FBXO10: variants seen among roughly 807,000 people sequenced by gnomAD.
The protein encoded by FBXO10 is F-box only protein 10.
In FBXO10, 39 loss-of-function variants were observed where a neutral mutation model predicts 80.7. The observed-to-expected ratio is 0.48, with a 90% CI of 0.37 to 0.63. The LOEUF (loss-of-function observed/expected upper bound fraction) is 0.63, where lower values mean the gene tolerates loss of function less well. Ranked by LOEUF, FBXO10 falls within the 30% of genes least tolerant of loss-of-function variation. The pLI is 0.00. For missense variants in FBXO10, 1,025 were observed against 1,269.0 expected (o/e 0.81, Z 2.92); for synonymous variants, 449 against 489.6 (o/e 0.92, Z 1.09).
At position 37,521,779 on chromosome 9, in the gene FBXO10, G is replaced by A. The variant is rs866944082; in HGVS notation, c.1990C>T (p.His664Tyr). 1 of 1,610,120 alleles carries A rather than the reference G, an allele frequency of 6.2e-7. No homozygotes were observed. The highest frequency in any genetic ancestry group is 8.5e-7 in the Non-Finnish European group (1 of 1,179,242). ...CCATACAGGCCATTGTAGCTGACGT[G>A]GTTGCTGGTGACATGGGGGAGGCTG... ...SSSLPHVTSNHVSYNGLYGVA... is the reference protein window; with the variant it reads ...SSSLPHVTSNYVSYNGLYGVA... The change falls in exon 8 of 11, where the codon CAC becomes TAC. Residue 664 changes from histidine to tyrosine, a missense_variant. Physicochemically the swap from His to Tyr is moderately conservative, Grantham distance 83. Around this residue, in one of 3 missense-constraint regions of FBXO10, gnomAD observed 478 missense variants for 667.8 expected, o/e 0.72. Coordinates refer to ENST00000432825, the MANE Select transcript of FBXO10 (RefSeq NM_012166.3).
chr9:37,522,966 G>A lies in FBXO10; in HGVS notation c.1789C>T (p.Arg597Cys). The change falls in exon 7 of 11, where the codon CGT (arginine) becomes TGT (cysteine). Residue 597 changes from arginine to cysteine, a missense_variant. By Grantham distance (180) the Arg-to-Cys change is radical. Coordinates refer to ENST00000432825, the MANE Select transcript of FBXO10 (RefSeq NM_012166.3). ...GKGLITENVI[R>C]ENQWGGVDIR... Reference sequence around the variant, plus strand: ...TCCACACCTCCCCACTGATTCTCACGGATGACATTTTCTATGGAGAGAAGC... The same window carrying A: ...TCCACACCTCCCCACTGATTCTCACAGATGACATTTTCTATGGAGAGAAGC... 1.9e-6 allele frequency: 3 copies of A among 1,594,384 alleles called. No homozygotes were observed. Among genetic ancestry groups the A allele is most frequent in the South Asian group, 1.1e-5 (1 of 87,050 alleles).
intron 10 of FBXO10, among the ~76,000 whole-genome samples, chr9:37,513,100 G>A (rs1821104369): frequency 1.3e-5 from 2 of 152,124 alleles, no homozygotes; most frequent in Non-Finnish European, 2.9e-5. Context: ...CAAAGTGCTG[G>A]GATTATAGGC....
intron 9 of FBXO10, among the ~76,000 whole-genome samples, chr9:37,516,854 G>A (rs4878156): frequency 0.082 from 12,472 of 151,970 alleles, 679 homozygotes; most frequent in East Asian, 0.16. Context: ...CCAGCTACTT[G>A]GGAGGCTGAG....
chr9:37,534,508 C>A (rs940730215), intron 3 of FBXO10, among the ~76,000 whole-genome samples: 1 of 152,226 alleles, frequency 6.6e-6, no homozygotes, highest in Non-Finnish European at 1.5e-5. Context: ...CTGAGCACTT[C>A]CCTGCTGAAT....
intron 1 of FBXO10, among the ~76,000 whole-genome samples, chr9:37,549,877 T>C (rs955981793): frequency 6.6e-6 from 1 of 152,216 alleles, no homozygotes; most frequent in African/African-American, 2.4e-5. Flanking sequence ...TGGTTGTCTC[T>C]TTTTTGATGT....
chr9:37,553,052 AT>A (rs958106652), intron 1 of FBXO10, among the ~76,000 whole-genome samples: 4 of 118,540 alleles, frequency 3.4e-5, no homozygotes, highest in East Asian at 4.8e-4. Context: ...GTGTGTGTGT[AT>A]TTTTTTTGAG....
chr9:37,515,083 C>T, intron 10 of FBXO10: 1 of 152,258 alleles, frequency 6.6e-6, no homozygotes, highest in Non-Finnish European at 1.5e-5. Context: ...GGGAGACTGG[C>T]AGGAGGCTGC....
intron 1 of FBXO10, among the ~76,000 whole-genome samples, chr9:37,543,476 A>G (rs1821977163): frequency 6.6e-6 from 1 of 152,122 alleles, no homozygotes; most frequent in African/African-American, 2.4e-5. Flanking sequence ...TCTGGTGATC[A>G]TTTTCCCCAG....
chr9:37,574,594 A>G (rs1429116219), intron 1 of FBXO10, among the ~76,000 whole-genome samples: 1 of 152,164 alleles, frequency 6.6e-6, no homozygotes, highest in Non-Finnish European at 1.5e-5. Flanking sequence ...CCAGTCTCTC[A>G]AATCTCACCA....
chr9:37,528,146 C>G (rs976002125), intron 5 of FBXO10, among the ~76,000 whole-genome samples: 18 of 152,212 alleles, frequency 1.2e-4, no homozygotes, highest in African/African-American at 4.3e-4. Context: ...TGCTCAGAGC[C>G]TTTAATGAGT....
chr9:37,541,993 C>G (rs941895652), intron 1 of FBXO10, among the ~76,000 whole-genome samples: 1 of 152,092 alleles, frequency 6.6e-6, no homozygotes, highest in Non-Finnish European at 1.5e-5. Flanking sequence ...CCACAACTAG[C>G]TAATTTTGTA....
At chr9:37,542,120 C>T (rs1316414967) in intron 1 of FBXO10, among the ~76,000 whole-genome samples, 3 of 152,206 alleles carry the variant, frequency 2.0e-5, no homozygotes, top group Non-Finnish European at 1.5e-5. Context: ...TGAGCCACCA[C>T]ACCCGGCCTC....
chr9:37,527,142 C>T (rs1821497831), intron 5 of FBXO10, among the ~76,000 whole-genome samples: 2 of 152,210 alleles, frequency 1.3e-5, no homozygotes, highest in African/African-American at 4.8e-5. Context: ...TGAGGCACCG[C>T]CCCGGCCCCT....
chr9:37,568,003 G>A (rs1822651808), intron 1 of FBXO10, among the ~76,000 whole-genome samples: 2 of 152,082 alleles, frequency 1.3e-5, no homozygotes, highest in Non-Finnish European at 2.9e-5. Flanking sequence ...GCAAGGAATG[G>A]GGCAACTCAA....
At chr9:37,543,450 A>G (rs1188070597) in intron 1 of FBXO10, among the ~76,000 whole-genome samples, 1 of 152,142 alleles carries the variant, frequency 6.6e-6, no homozygotes, top group Non-Finnish European at 1.5e-5. Context: ...TCTAAGCTAT[A>G]AACTCAGGAA....
intron 3 of FBXO10, among the ~76,000 whole-genome samples, chr9:37,534,128 T>C (rs1041813859): frequency 6.6e-6 from 1 of 152,010 alleles, no homozygotes; most frequent in Non-Finnish European, 1.5e-5. Context: ...CTGGAATGTT[T>C]ATCTATGCTG....
rs557738850 is a variant in FBXO10, at chr9:37,551,447, A to G, written c.-6-9673T>C. Among the ~76,000 whole-genome samples the G allele has an allele frequency of 3.9e-5, 6 of 152,340 alleles. No homozygotes were observed. The East Asian group carries it at 7.7e-4, about 20-fold the overall frequency. The stretch of plus-strand genomic sequence containing the variant: ...TTTGAAATCTAGGTAGAGGCACACA[A>G]GCCTCCACAGCTCTTGTACTCTGCA... On this transcript the variant is annotated intron_variant, in intron 1 of 10. Transcript: ENST00000432825.
At position 37,539,725 on chromosome 9, in the gene FBXO10, A is replaced by G. The variant is rs763578213; in HGVS notation, c.585+1459T>C. Among the ~76,000 whole-genome samples, 103 of 152,256 alleles carry G rather than the reference A, an allele frequency of 6.8e-4. 1 individual carries two copies. Among genetic ancestry groups the G allele is most frequent in the Non-Finnish European group, 8.4e-4 (57 of 68,042 alleles). ...ACACAAGCTTTTAAGCTTTCAGGTA[A>G]CATAGCATGATGTAATTTTATAAGC... On this transcript the variant is annotated intron_variant, in intron 2 of 10. Coordinates refer to ENST00000432825, the MANE Select transcript of FBXO10 (RefSeq NM_012166.3).
At chr9:37,557,142 C>T (rs904637842) in intron 1 of FBXO10, among the ~76,000 whole-genome samples, 1 of 152,136 alleles carries the variant, frequency 6.6e-6, no homozygotes, top group Non-Finnish European at 1.5e-5. Flanking sequence ...CTGATTTTTC[C>T]CAGGCTATGG....
Sources: gnomAD v4.1 joint callset for allele counts (sites outside exome capture counted in the v4.1 genomes callset) on GRCh38, gnomAD v4.1.1 for gene constraint, gnomAD v4.1.1 regional missense constraint, MANE v1.5 for transcripts, NCBI Gene and HGNC (gene_info 2026-07-23, HGNC 2026-07-21) for gene names.